The following GNAL variants were observed in gnomAD, a reference collection of about 807,000 sequenced individuals.
The protein encoded by GNAL is guanine nucleotide-binding protein G(olf) subunit alpha.
Under a neutral mutation model 55.1 loss-of-function variants are expected in GNAL, and 18 were observed. That is an observed-to-expected ratio of 0.33 (90% CI 0.23 to 0.48). The LOEUF (loss-of-function observed/expected upper bound fraction) is 0.48, where lower values mean the gene tolerates loss of function less well. GNAL is among the 20% of genes least tolerant of loss of function. The probability of loss-of-function intolerance (pLI) is 0.99; values close to 1 mark genes in which losing one functional copy is unlikely to be tolerated. For missense variants in GNAL, 412 were observed against 614.1 expected, an observed-to-expected ratio of 0.67 and a Z score of 3.48; for synonymous variants, 253 against 237.0, an observed-to-expected ratio of 1.07 and a Z score of -0.62.
At chr18:11,800,906 C>G (rs908764951) in intron 4 of GNAL, among the ~76,000 whole-genome samples, 3 of 152,150 alleles carry the variant, frequency 2.0e-5, no homozygotes. Context: ...CAAACATGGT[C>G]TAAACACCAA....
At chr18:11,851,265 C>T (rs1598427562) in intron 5 of GNAL, 2 of 471,936 alleles carry the variant, frequency 4.2e-6, no homozygotes, top group East Asian at 6.8e-5. Context: ...CCGGAGCGTC[C>T]AGCCAGAATC....
intron 5 of GNAL, among the ~76,000 whole-genome samples, chr18:11,859,914 A>G (rs1220936237): frequency 6.6e-6 from 1 of 151,800 alleles, no homozygotes. Context: ...CACCTGGCTA[A>G]TTTTTGTAGT....
At chr18:11,750,970 T>G (rs2032806313) in intron 1 of GNAL, among the ~76,000 whole-genome samples, 1 of 151,430 alleles carries the variant, frequency 6.6e-6, no homozygotes, top group South Asian at 2.1e-4. Flanking sequence ...GGCCTGAGGG[T>G]AGGGGAAGCG....
intron 5 of GNAL, among the ~76,000 whole-genome samples, chr18:11,839,570 T>C (rs796564130): frequency 2.5e-5 from 1 of 39,844 alleles, no homozygotes; most frequent in Non-Finnish European, 5.7e-5. Flanking sequence ...AAAAAAAAAA[T>C]TTTTTTTCTT....
intron 5 of GNAL, among the ~76,000 whole-genome samples, chr18:11,846,847 G>A (rs368103702): frequency 6.6e-6 from 1 of 152,076 alleles, no homozygotes; most frequent in East Asian, 1.9e-4. Context: ...AAAGTGTTGT[G>A]ATTACAGGCA....
chr18:11,803,122 AC>A (rs1441477584), intron 4 of GNAL, among the ~76,000 whole-genome samples: 1 of 152,160 alleles, frequency 6.6e-6, no homozygotes, highest in Non-Finnish European at 1.5e-5. Context: ...TATTCAGTGC[AC>A]CTTCTGTGGC....
At chr18:11,878,863 C>A (rs1253975950) in intron 11 of GNAL, among the ~76,000 whole-genome samples, 2 of 151,942 alleles carry the variant, frequency 1.3e-5, no homozygotes, top group Non-Finnish European at 2.9e-5. Flanking sequence ...CCACTGCACC[C>A]AGCCAAAAGC....
intron 5 of GNAL, among the ~76,000 whole-genome samples, chr18:11,849,065 A>G (rs796535044): frequency 2.2e-4 from 34 of 152,290 alleles, no homozygotes; most frequent in African/African-American, 8.2e-4. Context: ...GCGAAGCTGA[A>G]ATGAGTTAAT....
rs1205058751 is a variant in GNAL, at chr18:11,711,342, AT to A, written c.376+21405del. Reference sequence around the variant, plus strand: ...CTTCTAGGATTCTCAAAATGTATACATTGATTAGCTTAATGGTGTCCTATAA... The same window carrying A: ...CTTCTAGGATTCTCAAAATGTATACATGATTAGCTTAATGGTGTCCTATAA... On this transcript the variant is annotated intron_variant, in intron 1 of 11. Coordinates refer to ENST00000334049, the MANE Select transcript of GNAL (RefSeq NM_182978.4). Among the ~76,000 whole-genome samples, 5 of 151,720 alleles carry A rather than the reference AT, an allele frequency of 3.3e-5. No individual in the cohort carries two copies. In the East Asian group the frequency reaches 7.7e-4, roughly 23 times the overall value.
chr18:11,791,800 A>C (rs552446020), intron 4 of GNAL, among the ~76,000 whole-genome samples: 1 of 152,272 alleles, frequency 6.6e-6, no homozygotes, highest in Admixed American at 6.5e-5. Flanking sequence ...TTCGGACTCA[A>C]GTAGCTTCCC....
chr18:11,872,621 G>T (rs938907123), intron 10 of GNAL, among the ~76,000 whole-genome samples: 1 of 152,128 alleles, frequency 6.6e-6, no homozygotes, highest in Non-Finnish European at 1.5e-5. Context: ...CATTGAAACC[G>T]TGCAGCAGAA....
intron 4 of GNAL, among the ~76,000 whole-genome samples, chr18:11,799,588 G>A (rs907729724): frequency 3.3e-5 from 5 of 151,946 alleles, no homozygotes; most frequent in African/African-American, 1.2e-4. Context: ...AATCCTAAAT[G>A]TTCTGAGCGC....
chr18:11,738,245 C>A (rs1203429257), intron 1 of GNAL, among the ~76,000 whole-genome samples: 1 of 152,206 alleles, frequency 6.6e-6, no homozygotes, highest in African/African-American at 2.4e-5. Context: ...TCCAAGCAGG[C>A]CCCAAAGGCC....
intron 5 of GNAL, 35 bp from the exon 6 acceptor site, chr18:11,862,360 G>C (rs1349758197): frequency 6.3e-7 from 1 of 1,592,224 alleles, no homozygotes; most frequent in Admixed American, 1.7e-5. Flanking sequence ...AGTGGGCAGA[G>C]AACAGGCCTC....
At chr18:11,776,707 C>CAAAAAAAAAAA in intron 4 of GNAL, among the ~76,000 whole-genome samples, 1 of 71,648 alleles carries the variant, frequency 1.4e-5, no homozygotes, top group Non-Finnish European at 2.8e-5. Context: ...GATCCTGCCT[C>CAAAAAAAAAAA]AAAAAAAAAA....
At position 11,720,744 on chromosome 18, in the gene GNAL, G is replaced by T. The variant is rs115235056; in HGVS notation, c.376+30805G>T. Among the ~76,000 whole-genome samples the T allele has an allele frequency of 5.1e-3, 775 of 152,304 alleles. 6 individuals carry two copies. Among genetic ancestry groups the T allele is most frequent in the African/African-American group, 0.018 (738 of 41,566 alleles). On this transcript the variant is annotated intron_variant, in intron 1 of 11. Coordinates refer to ENST00000334049, the MANE Select transcript of GNAL (RefSeq NM_182978.4). Reference sequence around the variant, plus strand: ...GAAATTTCCTTCGTACTTTTGTCAAGTTGTGAAAAGGCTCCTGGAATTGTC... The same window carrying T: ...GAAATTTCCTTCGTACTTTTGTCAATTTGTGAAAAGGCTCCTGGAATTGTC...
intron 1 of GNAL, among the ~76,000 whole-genome samples, chr18:11,730,361 C>T (rs1054402336): frequency 2.0e-5 from 3 of 151,844 alleles, no homozygotes; most frequent in Non-Finnish European, 2.9e-5. Context: ...GGTTTCCCCA[C>T]GTTGGCCACG....
Position 11,769,030 on chromosome 18 carries a change from T to G in GNAL, c.624+15085T>G, listed in dbSNP as rs1255911244. ...TATATATATTCTATATTATAATATA[T>G]TATATATAATATATAATATATATAA... On this transcript the variant is annotated intron_variant, in intron 4 of 11. Coordinates refer to ENST00000334049, the MANE Select transcript of GNAL (RefSeq NM_182978.4). Among the ~76,000 whole-genome samples the G allele has an allele frequency of 3.5e-4, 31 of 88,128 alleles. 4 individuals carry two copies. The highest frequency in any genetic ancestry group is 2.1e-3 in the African/African-American group (23 of 11,034). The allele number at this position is 88,128 out of a possible 152,430, so 57.8% of individuals were successfully genotyped here.
At chr18:11,860,437 A>G (rs787549) in intron 5 of GNAL, among the ~76,000 whole-genome samples, 32,540 of 152,108 alleles carry the variant, frequency 0.21, 4,207 homozygotes, top group East Asian at 0.3. Context: ...ACCCCTTTTG[A>G]CCTCTGTAGG....
Sources: allele counts gnomAD v4.1 joint callset (sites outside exome capture counted in the v4.1 genomes callset), GRCh38; gene constraint gnomAD v4.1.1; transcripts MANE v1.5; gene names NCBI Gene and HGNC (gene_info 2026-07-23, HGNC 2026-07-21).